SYT10: variants seen among roughly 807,000 people sequenced by gnomAD.
The protein encoded by SYT10 is synaptotagmin 10.
In SYT10, 31 loss-of-function variants were observed where a neutral mutation model predicts 51.1. The ratio of observed to expected loss-of-function variants is 0.61; its 90% CI spans 0.46 to 0.82. SYT10 has a LOEUF of 0.82. Ranked by LOEUF, SYT10 falls within the 40% of genes least tolerant of loss-of-function variation. The probability of loss-of-function intolerance (pLI) is 0.00; values close to 1 mark genes in which losing one functional copy is unlikely to be tolerated. For missense variants in SYT10, 603 were observed against 634.0 expected (o/e 0.95, Z 0.53); for synonymous variants, 233 against 225.9 (o/e 1.03, Z -0.28).
chr12:33,383,904 T>G (rs1478522412), intron 4 of SYT10, among the ~76,000 whole-genome samples: 1 of 152,208 alleles, frequency 6.6e-6, no homozygotes, highest in Non-Finnish European at 1.5e-5. Context: ...AAATTTGATC[T>G]CTTTTCATAC....
rs1866665593 is a variant in SYT10, at chr12:33,439,395, CCCCTGTCCCGAGGGAAGATG to C, written c.108_127del (p.Ile37GlnfsTer63). The stretch of plus-strand genomic sequence containing the variant: ...ACCTGTGCTGCTTCCGCCCTGGCTG[CCCCTGTCCCGAGGGAAGATG>C]CCCGAGCACTTCTCCCACTCCACCT... On this transcript the variant is annotated frameshift_variant, in exon 1 of 7. Coordinates refer to ENST00000228567, the MANE Select transcript of SYT10 (RefSeq NM_198992.4). LOFTEE classifies it high-confidence loss of function. The C allele has an allele frequency of 6.2e-7, 1 of 1,613,824 alleles. No individual in the cohort carries two copies. Among genetic ancestry groups the C allele is most frequent in the African/African-American group, 1.3e-5 (1 of 74,912 alleles).
intron 5 of SYT10, among the ~76,000 whole-genome samples, chr12:33,381,296 C>T (rs1462919342): frequency 6.6e-6 from 1 of 151,978 alleles, no homozygotes; most frequent in Admixed American, 6.6e-5. Context: ...GTGTTTCCCC[C>T]CCTAGCTCTA....
Position 33,382,352 on chromosome 12 carries a change from T to A in SYT10, c.1367A>T (p.Asp456Val). Reference protein sequence around the residue: ...VSLSIAVMDYDRVGHNEVIGV... With the variant: ...VSLSIAVMDYVRVGHNEVIGV... ...GTGAGAAGAGAGATACACATACCTATCGTAATCCATGACCGCAATGGAGAG... is the reference window on the plus strand; with the variant it reads ...GTGAGAAGAGAGATACACATACCTAACGTAATCCATGACCGCAATGGAGAG... The change falls in exon 5 of 7, where the codon GAT (aspartate) becomes GTT (valine). Residue 456 changes from aspartate (D) to valine (V), a missense_variant. Transcript: ENST00000228567. 2.5e-6 allele frequency: 4 copies of A among 1,598,650 alleles called. No homozygotes were observed. The highest frequency in any genetic ancestry group is 3.4e-6 in the Non-Finnish European group (4 of 1,173,032).
chr12:33,412,948 G>A (rs1476625441), intron 2 of SYT10, among the ~76,000 whole-genome samples: 6 of 152,060 alleles, frequency 3.9e-5, no homozygotes, highest in Non-Finnish European at 7.4e-5. Context: ...AAGATTAGAC[G>A]AATGGCTAAC....
In SYT10 at chr12:33,407,372, T is replaced by TA. The variant is rs755458755; in HGVS notation, c.510-17dup. The TA allele has an allele frequency of 6.3e-7, 1 of 1,596,072 alleles. No individual in the cohort carries two copies. Among genetic ancestry groups the TA allele is most frequent in the Non-Finnish European group, 8.5e-7 (1 of 1,177,604 alleles). ...GGAACTGTGGCTGAACACACACACA[T>TA]ATACACAAAATCATTGAGGGAGATC... On this transcript the variant is annotated splice_polypyrimidine_tract_variant and intron_variant, in intron 2 of 6. Transcript: ENST00000228567.
intron 3 of SYT10, among the ~76,000 whole-genome samples, chr12:33,391,326 G>T (rs1866205063): frequency 6.6e-6 from 1 of 152,056 alleles, no homozygotes; most frequent in African/African-American, 2.4e-5. Context: ...AGCGATGAAA[G>T]ATATTTGATT....
chr12:33,438,211 T>C (rs1457089384), intron 1 of SYT10, among the ~76,000 whole-genome samples: 1 of 152,196 alleles, frequency 6.6e-6, no homozygotes, highest in African/African-American at 2.4e-5. Flanking sequence ...TGTCCTGAGC[T>C]TGGCTGTCCA....
intron 6 of SYT10, 97 bp downstream of exon 6, chr12:33,379,735 G>A: frequency 6.9e-7 from 1 of 1,459,698 alleles, no homozygotes; most frequent in South Asian, 1.3e-5. Context: ...TTTAACAAGG[G>A]TGAATACATA....
chr12:33,430,973 C>T (rs1866592116), intron 1 of SYT10, among the ~76,000 whole-genome samples: 1 of 152,156 alleles, frequency 6.6e-6, no homozygotes, highest in African/African-American at 2.4e-5. Flanking sequence ...GTTTATTTCT[C>T]TCTCATGTGA....
At chr12:33,429,659 A>C (rs748033458) in intron 1 of SYT10, among the ~76,000 whole-genome samples, 1 of 152,200 alleles carries the variant, frequency 6.6e-6, no homozygotes, top group Non-Finnish European at 1.5e-5. Flanking sequence ...ATGATGCATC[A>C]TAAGTATGAC....
At chr12:33,427,509 T>C (rs972093912) in intron 1 of SYT10, among the ~76,000 whole-genome samples, 1 of 152,106 alleles carries the variant, frequency 6.6e-6, no homozygotes, top group African/African-American at 2.4e-5. Context: ...TTGTAGCTCC[T>C]TGCATCCAGA....
chr12:33,424,742 CAATA>C (rs1866535317), intron 2 of SYT10, among the ~76,000 whole-genome samples: 1 of 145,716 alleles, frequency 6.9e-6, no homozygotes, highest in Non-Finnish European at 1.5e-5. Context: ...ATATATAATT[CAATA>C]AATATATAGT....
intron 1 of SYT10, among the ~76,000 whole-genome samples, chr12:33,438,435 G>A (rs565572178): frequency 2.0e-4 from 31 of 152,296 alleles, no homozygotes; most frequent in Admixed American, 2.0e-3. Context: ...CCTCGCGTGC[G>A]CCCGAGGAGC....
chr12:33,419,509 C>T (rs1866482556), intron 2 of SYT10, among the ~76,000 whole-genome samples: 1 of 152,044 alleles, frequency 6.6e-6, no homozygotes, highest in Non-Finnish European at 1.5e-5. Context: ...TACCTTTATT[C>T]TGTTCAAAGA....
rs114230366 is a variant in SYT10 at position 33,439,562 on chromosome 12, A to G, written c.-40T>C. On this transcript the variant is annotated 5_prime_UTR_variant, in exon 1 of 7. Transcript: ENST00000228567. Reference sequence around the variant, plus strand: ...TTCGTTTTCTCTTTTTTTCCCAGTTAGCCGTCTTTTCCTCTTCCCGTACCT... The same window carrying G: ...TTCGTTTTCTCTTTTTTTCCCAGTTGGCCGTCTTTTCCTCTTCCCGTACCT... The G allele has an allele frequency of 2.1e-3, 3,351 of 1,603,416 alleles. 52 individuals carry two copies. In the African/African-American group the frequency reaches 0.034, roughly 16 times the overall value.
At chr12:33,402,952 T>A (rs568492468) in intron 3 of SYT10, among the ~76,000 whole-genome samples, 10 of 152,154 alleles carry the variant, frequency 6.6e-5, no homozygotes, top group African/African-American at 2.4e-4. Flanking sequence ...TACAACAATA[T>A]GATAATAAAG....
At chr12:33,401,026 C>CAAA (rs34168304) in intron 3 of SYT10, among the ~76,000 whole-genome samples, 1 of 133,414 alleles carries the variant, frequency 7.5e-6, no homozygotes. Flanking sequence ...GATTCTGTCT[C>CAAA]AAAAAAAAAA....
intron 6 of SYT10, among the ~76,000 whole-genome samples, chr12:33,378,353 A>C (rs1866083405): frequency 6.6e-6 from 1 of 152,214 alleles, no homozygotes; most frequent in Non-Finnish European, 1.5e-5. Context: ...CTAATAAATA[A>C]TTAATATGCC....
intron 4 of SYT10, among the ~76,000 whole-genome samples, chr12:33,384,697 C>T (rs1390218776): frequency 2.0e-5 from 3 of 151,980 alleles, no homozygotes; most frequent in Non-Finnish European, 2.9e-5. Flanking sequence ...TATTTCAGAC[C>T]CTACAGATGC....
Sources: allele counts gnomAD v4.1 joint callset (sites outside exome capture counted in the v4.1 genomes callset), GRCh38; gene constraint gnomAD v4.1.1; transcripts MANE v1.5; gene names NCBI Gene and HGNC (gene_info 2026-07-23, HGNC 2026-07-21).